The following PRRG1 variants were observed in gnomAD, a reference collection of about 807,000 sequenced individuals.
The protein encoded by PRRG1 is transmembrane gamma-carboxyglutamic acid protein 1.
Under a neutral mutation model 11.8 loss-of-function variants are expected in PRRG1, and 5 were observed. The observed-to-expected ratio is 0.42, with a 90% CI of 0.22 to 0.89. The LOEUF (loss-of-function observed/expected upper bound fraction) is 0.89. Ranked by LOEUF, PRRG1 falls within the 40% of genes least tolerant of loss-of-function variation. The pLI is 0.28. For synonymous variants in PRRG1, 66 were observed against 60.4 expected, an observed-to-expected ratio of 1.09 and a Z score of -0.43; for missense variants, 155 against 166.1, an observed-to-expected ratio of 0.93 and a Z score of 0.37.
rs112877142 is a variant in PRRG1 at position 37,417,870 on chromosome X, G to A, written c.11-7970G>A. ...CTAAGCACAGGATTGGGTGGAATGGGTGCTTTTTTGATTTTCTCTGTTTGT... is the reference window on the plus strand; with the variant it reads ...CTAAGCACAGGATTGGGTGGAATGGATGCTTTTTTGATTTTCTCTGTTTGT... On this transcript the variant is annotated intron_variant, in intron 2 of 3. Coordinates refer to ENST00000378628, the MANE Select transcript of PRRG1 (RefSeq NM_001142395.2). Among the ~76,000 whole-genome samples, 380 of 111,840 alleles carry A rather than the reference G, an allele frequency of 3.4e-3. 2 individuals carry two copies. The highest frequency in any genetic ancestry group is 0.011 in the South Asian group (30 of 2,708).
intron 1 of PRRG1, chrX:37,386,572 C>G (rs782245083): frequency 5.0e-4 from 56 of 111,933 alleles, no homozygotes; most frequent in African/African-American, 1.7e-3. Flanking sequence ...ACACATAGCT[C>G]AACCTAATAT....
intron 3 of PRRG1, among the ~76,000 whole-genome samples, chrX:37,426,307 C>T (rs1556388403): frequency 8.9e-6 from 1 of 111,935 alleles, no homozygotes; most frequent in Non-Finnish European, 1.9e-5. Context: ...GATAATATCA[C>T]TTTGCCTAAT....
At chrX:37,386,305 C>G (rs1446643064) in intron 1 of PRRG1, among the ~76,000 whole-genome samples, 2 of 110,860 alleles carry the variant, frequency 1.8e-5, no homozygotes, top group African/African-American at 6.6e-5. Flanking sequence ...CTATTTTATC[C>G]TTTTTCACAG....
rs993054902 is a variant in PRRG1, at chrX:37,454,292, T to C, written c.*671T>C. ...CTTGTTTTGTAATAGGGATTTTTTTTTTGGTTGACCACTCCCCCACACTTC... is the reference window on the plus strand; with the variant it reads ...CTTGTTTTGTAATAGGGATTTTTTTCTTGGTTGACCACTCCCCCACACTTC... On this transcript the variant is annotated 3_prime_UTR_variant, in exon 4 of 4. Transcript: ENST00000378628. 2.7e-5 allele frequency: 3 copies of C among 112,039 alleles called. No individual in the cohort carries two copies. The highest frequency in any genetic ancestry group is 6.5e-5 in the African/African-American group (2 of 30,827). The allele number at this position is 112,039 out of a possible 1,213,427, so 9.2% of individuals were successfully genotyped here. A position where few individuals can be genotyped will look rare whatever the true frequency, so the allele number is the denominator to read the frequency against.
intron 3 of PRRG1, among the ~76,000 whole-genome samples, chrX:37,432,351 G>T (rs1556390685): frequency 8.9e-6 from 1 of 111,894 alleles, no homozygotes; most frequent in Non-Finnish European, 1.9e-5. Context: ...CTCCCAAAGT[G>T]CTGGGATTAC....
At chrX:37,380,099 A>G (rs782658505) in intron 1 of PRRG1, among the ~76,000 whole-genome samples, 4 of 111,626 alleles carry the variant, frequency 3.6e-5, no homozygotes, top group East Asian at 2.8e-4. Context: ...AATGGAAGGA[A>G]TATCATATTT....
At chrX:37,411,906 A>G (rs1014846692) in intron 2 of PRRG1, among the ~76,000 whole-genome samples, 1 of 112,175 alleles carries the variant, frequency 8.9e-6, no homozygotes, top group African/African-American at 3.2e-5. Context: ...TACTTTGTGG[A>G]GGATAATCTG....
intron 1 of PRRG1, among the ~76,000 whole-genome samples, chrX:37,368,275 T>TA (rs1332896828): frequency 8.9e-6 from 1 of 112,492 alleles, no homozygotes; most frequent in African/African-American, 3.2e-5. Context: ...ACAAGATTGT[T>TA]AAAATCTCTA....
intron 1 of PRRG1, among the ~76,000 whole-genome samples, chrX:37,358,901 G>T (rs782518435): frequency 4.5e-5 from 5 of 111,394 alleles, no homozygotes; most frequent in African/African-American, 1.6e-4. Flanking sequence ...CCAGAGTTTT[G>T]TGGTTTTCCC....
chrX:37,445,807 A>G lies in PRRG1; in HGVS notation c.172-7329A>G, dbSNP rs368281127. On this transcript the variant is annotated intron_variant, in intron 3 of 3. Transcript: ENST00000378628. Reference sequence around the variant, plus strand: ...ATGGCCTAGAAGCCAAATATAGCCCACCATCTGTTCTTGTAAATAAAGTTT... The same window carrying G: ...ATGGCCTAGAAGCCAAATATAGCCCGCCATCTGTTCTTGTAAATAAAGTTT... Among the ~76,000 whole-genome samples, 19 of 112,692 alleles carry G rather than the reference A, an allele frequency of 1.7e-4. No homozygotes were observed. In the East Asian group the frequency reaches 2.2e-3, roughly 13 times the overall value.
chrX:37,402,427 G>A (rs367903160), intron 1 of PRRG1, among the ~76,000 whole-genome samples: 2 of 111,527 alleles, frequency 1.8e-5, no homozygotes, highest in East Asian at 2.8e-4. Context: ...ACTGGCTAGC[G>A]ATAAGTAGAA....
chrX:37,392,533 AAAAAT>A (rs1272413485), intron 1 of PRRG1, among the ~76,000 whole-genome samples: 1 of 107,781 alleles, frequency 9.3e-6, no homozygotes, highest in Non-Finnish European at 1.9e-5. Context: ...TACAAAAAAA[AAAAAT>A]AATAAAATTA....
At chrX:37,398,062 CA>C (rs1350176681) in intron 1 of PRRG1, among the ~76,000 whole-genome samples, 6 of 107,520 alleles carry the variant, frequency 5.6e-5, no homozygotes, top group Non-Finnish European at 9.6e-5. Flanking sequence ...CACAGACAAA[CA>C]AAAAAATAGC....
chrX:37,388,580 C>T (rs1020889569), intron 1 of PRRG1, among the ~76,000 whole-genome samples: 11 of 113,265 alleles, frequency 9.7e-5, no homozygotes, highest in Admixed American at 7.4e-4. Context: ...CTTTGGGCCA[C>T]GACTGAAGCT....
intron 3 of PRRG1, chrX:37,441,765 C>T: frequency 1.3e-6 from 1 of 785,780 alleles, no homozygotes; most frequent in Non-Finnish European, 1.5e-6. Flanking sequence ...GTGGCTGCAT[C>T]TGCTTTCACG....
At chrX:37,451,473 G>A (rs1921136878) in intron 3 of PRRG1, among the ~76,000 whole-genome samples, 2 of 112,568 alleles carry the variant, frequency 1.8e-5, no homozygotes, top group Admixed American at 1.9e-4. Context: ...GTTTTTACCT[G>A]TGAATATATA....
At chrX:37,413,991 A>G (rs1421746399) in intron 2 of PRRG1, among the ~76,000 whole-genome samples, 1 of 111,813 alleles carries the variant, frequency 8.9e-6, no homozygotes, top group African/African-American at 3.2e-5. Context: ...GCCTAGGTGT[A>G]TAGTAGGTTA....
chrX:37,386,327 G>T (rs1049587725), intron 1 of PRRG1, among the ~76,000 whole-genome samples: 4 of 111,091 alleles, frequency 3.6e-5, no homozygotes, highest in Admixed American at 1.9e-4. Context: ...GCTCTGTTGA[G>T]GTATAATTGT....
intron 2 of PRRG1, among the ~76,000 whole-genome samples, chrX:37,421,912 G>A (rs1932670286): frequency 8.9e-6 from 1 of 111,820 alleles, no homozygotes; most frequent in African/African-American, 3.3e-5. Flanking sequence ...ATCTTCTAAT[G>A]GACTGGATTT....
Sources: gnomAD v4.1 joint callset for allele counts (sites outside exome capture counted in the v4.1 genomes callset) on GRCh38, gnomAD v4.1.1 for gene constraint, MANE v1.5 for transcripts, NCBI Gene and HGNC (gene_info 2026-07-23, HGNC 2026-07-21) for gene names.